CAMTA1: variants seen among roughly 807,000 people sequenced by gnomAD.
The protein encoded by CAMTA1 is calmodulin binding transcription activator 1, also known as calmodulin-binding transcription activator 1.
In CAMTA1, 27 loss-of-function variants were observed where a neutral mutation model predicts 170.9. That is an observed-to-expected ratio of 0.16 (90% confidence interval 0.12 to 0.22). The LOEUF is 0.22. CAMTA1 is among the 10% of genes least tolerant of loss of function. CAMTA1 has a pLI of 1.00. For missense variants in CAMTA1, 1,619 were observed against 2,217.2 expected, an observed-to-expected ratio of 0.73 and a Z score of 5.42; for synonymous variants, 833 against 891.5, an observed-to-expected ratio of 0.93 and a Z score of 1.17.
At chr1:6,856,189 C>T (rs1662283875) in intron 3 of CAMTA1, among the ~76,000 whole-genome samples, 2 of 151,470 alleles carry the variant, frequency 1.3e-5, no homozygotes, top group South Asian at 2.1e-4. Flanking sequence ...AAGCCACCTG[C>T]GTTGCAGGAG....
chr1:7,715,432 C>CTTTTTTTTTTTTTTT (rs34965685), intron 11 of CAMTA1, among the ~76,000 whole-genome samples: 1 of 142,276 alleles, frequency 7.0e-6, no homozygotes. Context: ...TAGCCACACA[C>CTTTTTTTTTTTTTTT]TTTTTTTTTT....
chr1:7,590,696 C>G (rs1446195593), intron 6 of CAMTA1, among the ~76,000 whole-genome samples: 7 of 152,136 alleles, frequency 4.6e-5, no homozygotes, highest in African/African-American at 1.4e-4. Flanking sequence ...AAAGCACAGC[C>G]CTGGTCACTT....
intron 3 of CAMTA1, among the ~76,000 whole-genome samples, chr1:6,862,962 A>G (rs1415209599): frequency 5.9e-5 from 9 of 152,258 alleles, no homozygotes; most frequent in Admixed American, 5.9e-4. Context: ...AATATAAATC[A>G]TCAGAATTAC....
chr1:6,914,227 C>G (rs1188651564), intron 3 of CAMTA1, among the ~76,000 whole-genome samples: 1 of 151,596 alleles, frequency 6.6e-6, no homozygotes, highest in Non-Finnish European at 1.5e-5. Flanking sequence ...GCCTCAGCCT[C>G]TCGAGTAGCT....
Position 7,580,956 on chromosome 1 carries a change from A to G in CAMTA1, c.511-59444A>G, listed in dbSNP as rs533963571. Among the ~76,000 whole-genome samples the G allele has an allele frequency of 6.6e-6, 1 of 152,310 alleles. No individual in the cohort carries two copies. Among genetic ancestry groups the G allele is most frequent in the South Asian group, 2.1e-4 (1 of 4,828 alleles). ...TGTAAATGGGATAATAATAGAAAAT[A>G]CCCTAAAAGGTTGTTGAGAAAATGG... On this transcript the variant is annotated intron_variant, in intron 6 of 22. Transcript: ENST00000303635. This position sits in a 1 kb window ranked among gnomAD's most constrained non-coding sequence, Gnocchi z 4.3.
At chr1:7,182,721 A>G (rs1178251039) in intron 4 of CAMTA1, among the ~76,000 whole-genome samples, 3 of 152,248 alleles carry the variant, frequency 2.0e-5, no homozygotes, top group African/African-American at 7.2e-5. Flanking sequence ...TATCCCTGAT[A>G]TGTAAAGAGC....
chr1:6,954,384 G>A (rs7554752), intron 3 of CAMTA1, among the ~76,000 whole-genome samples: 64,133 of 152,042 alleles, frequency 0.42, 13,733 homozygotes, highest in East Asian at 0.56. Flanking sequence ...GTGGACGGGG[G>A]AAGCTCCAGC....
rs1483259009 is a variant in CAMTA1, at chr1:7,224,699, G to A, written c.303-24792G>A. On this transcript the variant is annotated intron_variant, in intron 4 of 22. Coordinates refer to ENST00000303635, the MANE Select transcript of CAMTA1 (RefSeq NM_015215.4). This position sits in a 1 kb window ranked among gnomAD's most constrained non-coding sequence, Gnocchi z 5.2. The stretch of plus-strand genomic sequence containing the variant: ...TTGATTGCTAAGGGCAAGGCTCTAG[G>A]GTTAGTGGGGACCTGATGAAAGCCC... Among the ~76,000 whole-genome samples the A allele has an allele frequency of 6.6e-6, 1 of 152,130 alleles. No individual in the cohort carries two copies. The highest frequency in any genetic ancestry group is 2.4e-5 in the African/African-American group (1 of 41,426).
chr1:7,507,299 C>T lies in CAMTA1; in HGVS notation c.510+39398C>T, dbSNP rs1433402192. ...GCCTTTTGCACACGGCTGCACACAC[C>T]CCTACCAGCTCCAGCTCTCCGGCTC... On this transcript the variant is annotated intron_variant, in intron 6 of 22. Transcript: ENST00000303635. Among the ~76,000 whole-genome samples the T allele has an allele frequency of 2.6e-5, 4 of 152,168 alleles. No individual in the cohort carries two copies. The East Asian group carries it at 5.8e-4, about 22-fold the overall frequency.
intron 4 of CAMTA1, among the ~76,000 whole-genome samples, chr1:7,110,903 G>C (rs1034136372): frequency 2.0e-5 from 3 of 152,224 alleles, no homozygotes; most frequent in Non-Finnish European, 2.9e-5. Flanking sequence ...TGCTTAAAAT[G>C]ACTGGAACGC....
At chr1:7,724,538 G>T (rs562798001) in intron 11 of CAMTA1, among the ~76,000 whole-genome samples, 1 of 152,286 alleles carries the variant, frequency 6.6e-6, no homozygotes, top group African/African-American at 2.4e-5. Flanking sequence ...TCCTTCAAAA[G>T]ATTGCATGTA....
At chr1:6,959,609 T>C (rs1690039826) in intron 3 of CAMTA1, among the ~76,000 whole-genome samples, 1 of 152,192 alleles carries the variant, frequency 6.6e-6, no homozygotes, top group Non-Finnish European at 1.5e-5. Context: ...GCCAGGAAAG[T>C]ATTTATTGTT....
chr1:6,903,911 A>G (rs1034834594), intron 3 of CAMTA1, among the ~76,000 whole-genome samples: 1 of 152,162 alleles, frequency 6.6e-6, no homozygotes, highest in Non-Finnish European at 1.5e-5. Context: ...TGTACTCTCC[A>G]TGGGCAGTGT....
chr1:6,935,761 G>A (rs539715266), intron 3 of CAMTA1, among the ~76,000 whole-genome samples: 1 of 152,236 alleles, frequency 6.6e-6, no homozygotes, highest in Non-Finnish European at 1.5e-5. Flanking sequence ...AGTGCTGGCC[G>A]ACAGTGGATG....
chr1:6,894,287 T>C (rs1255249838), intron 3 of CAMTA1, among the ~76,000 whole-genome samples: 3 of 152,234 alleles, frequency 2.0e-5, no homozygotes, highest in South Asian at 2.1e-4. Context: ...TTAAGGATGA[T>C]GCCACCCTCT....
intron 3 of CAMTA1, among the ~76,000 whole-genome samples, chr1:6,897,473 A>ACTATGAGAAACAATCTACTG (rs140070956): frequency 6.6e-6 from 1 of 151,628 alleles, no homozygotes; most frequent in African/African-American, 2.4e-5. Flanking sequence ...CATTTTTCTC[A>ACTATGAGAAACAATCTACTG]TATATACACC....
intron 5 of CAMTA1, among the ~76,000 whole-genome samples, chr1:7,338,536 A>T (rs1310202457): frequency 6.6e-6 from 1 of 152,220 alleles, no homozygotes; most frequent in African/African-American, 2.4e-5. Flanking sequence ...AGCACCTGCC[A>T]TGTCCCTGAT....
chr1:7,609,368 A>G lies in CAMTA1; in HGVS notation c.511-31032A>G, dbSNP rs2095508306. Among the ~76,000 whole-genome samples, 1 of 152,142 alleles carries G rather than the reference A, an allele frequency of 6.6e-6. No homozygotes were observed. Among genetic ancestry groups the G allele is most frequent in the African/African-American group, 2.4e-5 (1 of 41,438 alleles). ...GTTTTCCTGACACTCAACACTCAAA[A>G]TAATGATCTCGCTGGAGCACCTTCA... On this transcript the variant is annotated intron_variant, in intron 6 of 22. Transcript: ENST00000303635. This position sits in a 1 kb window ranked among gnomAD's most constrained non-coding sequence, Gnocchi z 4.4.
chr1:7,232,182 G>C (rs1478468918), intron 4 of CAMTA1, among the ~76,000 whole-genome samples: 1 of 152,180 alleles, frequency 6.6e-6, no homozygotes, highest in Non-Finnish European at 1.5e-5. Flanking sequence ...GTGGCTGGGG[G>C]ACACCACGTG....
Sources: allele counts gnomAD v4.1 joint callset (sites outside exome capture counted in the v4.1 genomes callset), GRCh38; gene constraint gnomAD v4.1.1; non-coding constraint Gnocchi (gnomAD v3.1); transcripts MANE v1.5; gene names NCBI Gene and HGNC (gene_info 2026-07-23, HGNC 2026-07-21).